The following NRG1 variants were observed in gnomAD, a reference collection of about 807,000 sequenced individuals.
NRG1 encodes the protein pro-neuregulin-1, membrane-bound isoform.
Under a neutral mutation model 63.8 loss-of-function variants are expected in NRG1, and 18 were observed. The observed-to-expected ratio is 0.28, with a 90% CI of 0.19 to 0.42. The LOEUF (loss-of-function observed/expected upper bound fraction) is 0.42. Ranked by LOEUF, NRG1 falls within the 10% of genes least tolerant of loss-of-function variation. The pLI is 1.00. For missense variants in NRG1, 762 were observed against 814.7 expected, an observed-to-expected ratio of 0.94 and a Z score of 0.79; for synonymous variants, 302 against 301.3, an observed-to-expected ratio of 1.00 and a Z score of -0.02.
chr8:32,611,946 T>C (rs1846436724), intron 3 of NRG1, among the ~76,000 whole-genome samples: 1 of 152,110 alleles, frequency 6.6e-6, no homozygotes, highest in African/African-American at 2.4e-5. Context: ...TTCTAGAAGA[T>C]ATCTTTGAGA....
chr8:32,065,458 G>GT (rs1322955987), intron 1 of NRG1, among the ~76,000 whole-genome samples: 2 of 152,154 alleles, frequency 1.3e-5, no homozygotes, highest in East Asian at 3.9e-4. Context: ...GTGGTGTTTG[G>GT]TTTTTTGTCC....
chr8:31,731,481 T>C (rs149065599), intron 1 of NRG1, among the ~76,000 whole-genome samples: 16 of 152,048 alleles, frequency 1.1e-4, no homozygotes, highest in African/African-American at 3.6e-4. Context: ...ATGATATGTA[T>C]TGTTTTACAC....
Position 32,548,413 on chromosome 8 carries a change from C to A in NRG1, c.-314C>A, listed in dbSNP as rs903748651. 3.6e-6 allele frequency: 4 copies of A among 1,103,414 alleles called. No homozygotes were observed. In the African/African-American group the frequency reaches 4.9e-5, roughly 14 times the overall value. 68.4% of individuals were successfully genotyped at this position (1,103,414 alleles called of 1,614,324 possible). A position where few individuals can be genotyped will look rare whatever the true frequency, so the allele number is the denominator to read the frequency against. On this transcript the variant is annotated 5_prime_UTR_variant, in exon 1 of 12. Coordinates refer to ENST00000356819, the Ensembl canonical transcript of NRG1. ...AGGACGGTGATAACCTCTCCCCGAT[C>A]GGGTTGCGAGGGCGCCGGGCAGAGG...
At position 31,691,912 on chromosome 8, in the gene NRG1, A is replaced by G. The variant is rs114250637; in HGVS notation, c.37+52481A>G. Among the ~76,000 whole-genome samples the G allele has an allele frequency of 2.3e-3, 352 of 152,222 alleles. 3 individuals are homozygous for G. The highest frequency in any genetic ancestry group is 8.0e-3 in the African/African-American group (334 of 41,536). ...CTGGGGTGTAATCACAGCTCACTGCAGTCTCGACCTCCTGGGCTCAAGGAA... is the reference window on the plus strand; with the variant it reads ...CTGGGGTGTAATCACAGCTCACTGCGGTCTCGACCTCCTGGGCTCAAGGAA... On this transcript the variant is annotated intron_variant, in intron 1 of 10. Transcript: ENST00000519301.
chr8:32,601,857 G>C (rs1194275791), intron 2 of NRG1, among the ~76,000 whole-genome samples: 1 of 150,908 alleles, frequency 6.6e-6, no homozygotes, highest in Non-Finnish European at 1.5e-5. Context: ...ATATTAATTT[G>C]GCTAAAGAGT....
At chr8:32,084,535 A>G (rs966472703) in intron 1 of NRG1, among the ~76,000 whole-genome samples, 5 of 152,328 alleles carry the variant, frequency 3.3e-5, no homozygotes, top group East Asian at 1.9e-4. Context: ...CTGAATTTGC[A>G]TACAAACACT....
intron 1 of NRG1, among the ~76,000 whole-genome samples, chr8:32,459,263 C>T (rs1198796756): frequency 6.6e-6 from 1 of 152,142 alleles, no homozygotes; most frequent in Non-Finnish European, 1.5e-5. Flanking sequence ...CCCTTCTTTG[C>T]CTCACTGTCT....
chr8:31,935,743 G>A (rs1835250244), intron 1 of NRG1, among the ~76,000 whole-genome samples: 6 of 152,082 alleles, frequency 3.9e-5, no homozygotes, highest in Admixed American at 3.9e-4. Context: ...CATCTTCTGG[G>A]GTCTTTTAGG....
At chr8:32,227,490 C>A (rs1324752388) in intron 1 of NRG1, among the ~76,000 whole-genome samples, 1 of 152,104 alleles carries the variant, frequency 6.6e-6, no homozygotes, top group Non-Finnish European at 1.5e-5. Flanking sequence ...GGTCTAGTCC[C>A]AAACTGCACA....
chr8:32,557,721 TA>T (rs199500327), intron 1 of NRG1, among the ~76,000 whole-genome samples: 2,076 of 152,280 alleles, frequency 0.014, 54 homozygotes, highest in African/African-American at 0.047. Flanking sequence ...GCTCATGCAT[TA>T]TCCATTTTGG....
chr8:31,964,539 C>T (rs1306816537), intron 1 of NRG1, among the ~76,000 whole-genome samples: 1 of 152,112 alleles, frequency 6.6e-6, no homozygotes, highest in Non-Finnish European at 1.5e-5. Context: ...ATGGTGCAGG[C>T]CTGTAGTCCC....
intron 5 of NRG1, among the ~76,000 whole-genome samples, chr8:32,629,928 A>G (rs1362699738): frequency 1.3e-5 from 2 of 152,206 alleles, no homozygotes; most frequent in African/African-American, 4.8e-5. Flanking sequence ...AATAGATGAC[A>G]ATAATATATT....
chr8:31,933,466 G>T (rs1242229986), intron 1 of NRG1, among the ~76,000 whole-genome samples: 1 of 152,030 alleles, frequency 6.6e-6, no homozygotes, highest in Non-Finnish European at 1.5e-5. Context: ...ATGTTTAGTA[G>T]AAATGGGGTT....
intron 2 of NRG1, among the ~76,000 whole-genome samples, chr8:32,604,309 T>G (rs1844887569): frequency 6.6e-6 from 1 of 152,148 alleles, no homozygotes; most frequent in Non-Finnish European, 1.5e-5. Context: ...CATGTGGAAC[T>G]TTGGGTGGTT....
At chr8:31,819,983 A>C (rs1229759143) in intron 1 of NRG1, among the ~76,000 whole-genome samples, 2 of 152,206 alleles carry the variant, frequency 1.3e-5, no homozygotes, top group Admixed American at 1.3e-4. Flanking sequence ...TCATCTCCAC[A>C]ATATGTCCAA....
intron 1 of NRG1, among the ~76,000 whole-genome samples, chr8:31,755,334 T>C (rs1300296530): frequency 1.3e-5 from 2 of 152,122 alleles, no homozygotes; most frequent in African/African-American, 2.4e-5. Context: ...CATAGCCCTT[T>C]AAGAAGGTAT....
intron 1 of NRG1, among the ~76,000 whole-genome samples, chr8:32,149,354 G>A (rs967290268): frequency 6.6e-5 from 10 of 152,014 alleles, no homozygotes; most frequent in Admixed American, 3.9e-4. Context: ...TGAATGAAGC[G>A]TGCACCCTCG....
chr8:31,960,914 T>A lies in NRG1; in HGVS notation c.37+321483T>A, dbSNP rs193193917. Among the ~76,000 whole-genome samples the A allele has an allele frequency of 3.7e-4, 56 of 152,378 alleles. No individual in the cohort carries two copies. In the East Asian group the frequency reaches 0.01, roughly 28 times the overall value. On this transcript the variant is annotated intron_variant, in intron 1 of 10. Coordinates refer to the NRG1 transcript ENST00000519301. Reference sequence around the variant, plus strand: ...AAGCAGTTATTATTTGTTGTACTTCTATTTCTACTCATTTACCTTAGGTTT... The same window carrying A: ...AAGCAGTTATTATTTGTTGTACTTCAATTTCTACTCATTTACCTTAGGTTT...
intron 1 of NRG1, among the ~76,000 whole-genome samples, chr8:31,865,578 G>A (rs1033302182): frequency 6.6e-6 from 1 of 152,102 alleles, no homozygotes; most frequent in African/African-American, 2.4e-5. Context: ...GTGATAGTGA[G>A]TGAGTTATCA....
Sources: gnomAD v4.1 joint callset for allele counts (sites outside exome capture counted in the v4.1 genomes callset) on GRCh38, gnomAD v4.1.1 for gene constraint, MANE v1.5 for transcripts, NCBI Gene and HGNC (gene_info 2026-07-23, HGNC 2026-07-21) for gene names.